The following PIK3C2G variants were observed in gnomAD, a reference collection of about 807,000 sequenced individuals.
PIK3C2G encodes the protein phosphatidylinositol 3-kinase C2 domain-containing subunit gamma.
PIK3C2G carries 168 observed loss-of-function variants against 181.1 expected under a neutral mutation model. The observed-to-expected ratio is 0.93, with a 90% CI of 0.82 to 1.05. The LOEUF is 1.05. Among genes scored for constraint, PIK3C2G ranks in the 50% least tolerant of loss-of-function variants. The pLI, the probability that PIK3C2G is intolerant of heterozygous loss-of-function variation, is 0.00. For synonymous variants in PIK3C2G, 573 were observed against 592.2 expected (o/e 0.97, Z 0.47); for missense variants, 1,869 against 1,732.8 (o/e 1.08, Z -1.40).
At chr12:18,660,498 C>G in the PIK3C2G span, among the ~76,000 whole-genome samples, 1 of 152,080 alleles carries the variant, frequency 6.6e-6, no homozygotes, top group Non-Finnish European at 1.5e-5. Context: ...GAGAGCCAGA[C>G]ATTAAAGACT....
chr12:18,517,767 T>C (rs1300012230), intron 24 of PIK3C2G, among the ~76,000 whole-genome samples: 1 of 152,176 alleles, frequency 6.6e-6, no homozygotes, highest in Non-Finnish European at 1.5e-5. Context: ...TCCAATACTA[T>C]GTTGAATAGG....
At chr12:18,509,083 G>A (rs1289610209) in intron 24 of PIK3C2G, among the ~76,000 whole-genome samples, 1 of 151,732 alleles carries the variant, frequency 6.6e-6, no homozygotes, top group Non-Finnish European at 1.5e-5. Context: ...ATGGAGTCTC[G>A]CTCTGTCACC....
intron 31 of PIK3C2G, among the ~76,000 whole-genome samples, chr12:18,617,144 C>A (rs969597952): frequency 1.3e-5 from 2 of 151,950 alleles, no homozygotes; most frequent in African/African-American, 4.8e-5. Context: ...AGATTTTTGC[C>A]ATCTGAGGAA....
intron 1 of PIK3C2G, among the ~76,000 whole-genome samples, chr12:18,275,584 T>C (rs1420323572): frequency 1.3e-5 from 2 of 152,146 alleles, no homozygotes; most frequent in Non-Finnish European, 1.5e-5. Flanking sequence ...GGTTTCACCA[T>C]GTTGGCCAGG....
At chr12:18,474,739 C>T (rs781516740) in intron 18 of PIK3C2G, among the ~76,000 whole-genome samples, 14 of 151,986 alleles carry the variant, frequency 9.2e-5, no homozygotes, top group Non-Finnish European at 1.5e-4. Flanking sequence ...ATTTTAGGAA[C>T]AGTATTATAG....
Position 18,491,468 on chromosome 12 carries a change from A to G in PIK3C2G, c.2703A>G (p.Glu901=). The G allele has an allele frequency of 6.3e-7, 1 of 1,590,898 alleles. No individual in the cohort carries two copies. The highest frequency in any genetic ancestry group is 8.6e-7 in the Non-Finnish European group (1 of 1,160,620). ...TTTCACAGGAGGTACTGAAGAAAGA[A>G]ATTGGCAGACTAGAAGAGTTCTTTC... ...DHQRQEVLKK[E]IGRLEEFFQD... Residue 901 remains glutamate (E), a synonymous_variant, in exon 20 of 33, where the codon GAA becomes GAG. Transcript: ENST00000538779.
At chr12:18,444,292 A>G (rs1946905198) in intron 18 of PIK3C2G, among the ~76,000 whole-genome samples, 1 of 152,118 alleles carries the variant, frequency 6.6e-6, no homozygotes, top group East Asian at 1.9e-4. Context: ...GAACAACTCC[A>G]ATCTTGAGAA....
At chr12:18,285,671 C>A (rs1361619583) in intron 2 of PIK3C2G, among the ~76,000 whole-genome samples, 1 of 151,550 alleles carries the variant, frequency 6.6e-6, no homozygotes, top group East Asian at 1.9e-4. Flanking sequence ...GTGTATATTG[C>A]AATTCCTAGA....
the PIK3C2G span, among the ~76,000 whole-genome samples, chr12:18,718,148 A>C: frequency 1.0e-3 from 158 of 152,254 alleles, no homozygotes; most frequent in Middle Eastern, 3.4e-3. Flanking sequence ...GGTAGATTAG[A>C]TATACTAAAT....
intron 1 of PIK3C2G, among the ~76,000 whole-genome samples, chr12:18,276,622 G>A (rs1361081328): frequency 1.3e-5 from 2 of 152,076 alleles, no homozygotes; most frequent in Non-Finnish European, 2.9e-5. Flanking sequence ...CAAATAAAAT[G>A]GAGCCTGTGT....
intron 4 of PIK3C2G, among the ~76,000 whole-genome samples, chr12:18,291,827 T>C (rs1488511759): frequency 6.6e-6 from 1 of 151,808 alleles, no homozygotes; most frequent in Non-Finnish European, 1.5e-5. Context: ...CAGTGTTATA[T>C]TGGTATATTA....
chr12:18,253,969 A>G (rs1424446377), intron 1 of PIK3C2G, among the ~76,000 whole-genome samples: 1 of 151,856 alleles, frequency 6.6e-6, no homozygotes, highest in Non-Finnish European at 1.5e-5. Context: ...GCCATAAAGC[A>G]GTGAGCATTT....
At chr12:18,514,958 A>C (rs1004842252) in intron 24 of PIK3C2G, among the ~76,000 whole-genome samples, 9 of 151,970 alleles carry the variant, frequency 5.9e-5, no homozygotes, top group Non-Finnish European at 1.0e-4. Context: ...AAGGATGTTA[A>C]ATTTTATAAA....
chr12:18,505,359 A>T lies in PIK3C2G; in HGVS notation c.3221A>T (p.Asp1074Val), dbSNP rs748130675. The change falls in exon 24 of 33, where the codon GAC (aspartate) becomes GTC (valine). Residue 1074 changes from aspartate to valine, a missense_variant. Transcript: ENST00000538779. The part of the protein sequence containing the change: ...CVVTFILGVC[D>V]RHNDNIMLTK... The stretch of plus-strand genomic sequence containing the variant: ...GTAACATTCATCCTGGGAGTATGTG[A>T]CCGTCACAATGATAATATCATGCTG... 8 of 1,613,234 alleles carry T rather than the reference A, an allele frequency of 5.0e-6. No individual in the cohort carries two copies. In the South Asian group the frequency reaches 7.7e-5, roughly 16 times the overall value.
intron 18 of PIK3C2G, among the ~76,000 whole-genome samples, chr12:18,475,185 G>A (rs865896659): frequency 6.6e-6 from 1 of 151,828 alleles, no homozygotes; most frequent in East Asian, 1.9e-4. Flanking sequence ...CACCTTTTTT[G>A]GTTATTGCTA....
intron 1 of PIK3C2G, among the ~76,000 whole-genome samples, chr12:18,269,871 C>T (rs1948669158): frequency 6.6e-6 from 1 of 151,002 alleles, no homozygotes; most frequent in Admixed American, 6.6e-5. Context: ...TACTATTTGT[C>T]AGACACTGAC....
At chr12:18,696,350 A>ATC in the PIK3C2G span, 2 of 247,362 alleles carry the variant, frequency 8.1e-6, no homozygotes, top group Non-Finnish European at 6.9e-6. Flanking sequence ...ATATATATAT[A>ATC]TCATATAATT....
chr12:18,501,820 G>A (rs891847131), intron 22 of PIK3C2G, among the ~76,000 whole-genome samples: 5 of 152,156 alleles, frequency 3.3e-5, no homozygotes, highest in African/African-American at 4.8e-5. Flanking sequence ...AGTTGGAAAA[G>A]CAATTGACAT....
chr12:18,473,358 A>T (rs1376389089), intron 18 of PIK3C2G, among the ~76,000 whole-genome samples: 1 of 152,198 alleles, frequency 6.6e-6, no homozygotes, highest in African/African-American at 2.4e-5. Flanking sequence ...GATACTGTGC[A>T]AACTTTAATC....
Sources: allele counts gnomAD v4.1 joint callset (sites outside exome capture counted in the v4.1 genomes callset), GRCh38; gene constraint gnomAD v4.1.1; transcripts MANE v1.5; gene names NCBI Gene and HGNC (gene_info 2026-07-23, HGNC 2026-07-21).